Variants in U2SURP observed in about 807,000 individuals in gnomAD.
U2SURP encodes U2 snRNP-associated SURP motif-containing protein.
In U2SURP, 9 loss-of-function variants were observed where a neutral mutation model predicts 144.9. The observed-to-expected ratio is 0.06, with a 90% CI of 0.04 to 0.11. The LOEUF is 0.11. Among genes scored for constraint, U2SURP ranks in the 10% least tolerant of loss-of-function variants. The probability of loss-of-function intolerance (pLI) is 1.00; values close to 1 mark genes in which losing one functional copy is unlikely to be tolerated. For missense variants in U2SURP, 724 were observed against 1,226.7 expected, an observed-to-expected ratio of 0.59 and a Z score of 6.12; for synonymous variants, 408 against 396.8, an observed-to-expected ratio of 1.03 and a Z score of -0.33.
chr3:143,016,679 A>G (rs1159743686), intron 5 of U2SURP, among the ~76,000 whole-genome samples, 163 bp from the exon 6 acceptor site: 3 of 152,198 alleles, frequency 2.0e-5, no homozygotes, highest in African/African-American at 7.2e-5. Flanking sequence ...TGAAATGATT[A>G]AATTAGCATT....
intron 16 of U2SURP, among the ~76,000 whole-genome samples, chr3:143,030,223 G>C (rs1482729687): frequency 6.6e-6 from 1 of 152,206 alleles, no homozygotes; most frequent in African/African-American, 2.4e-5. Flanking sequence ...CTAGAGAGGG[G>C]AAGTCACTGC....
chr3:143,030,161 G>A (rs1266741269), intron 16 of U2SURP, among the ~76,000 whole-genome samples: 1 of 152,256 alleles, frequency 6.6e-6, no homozygotes, highest in Admixed American at 6.5e-5. Flanking sequence ...CATTGTCAGT[G>A]TAGACAAAGC....
rs1186038032 is a variant in U2SURP at position 143,014,631 on chromosome 3, TTCTAA to T, written c.321+227_321+231del. Among the ~76,000 whole-genome samples the T allele has an allele frequency of 3.9e-5, 6 of 152,192 alleles. No individual in the cohort carries two copies. In the East Asian group the frequency reaches 1.2e-3, roughly 29 times the overall value. On this transcript the variant is annotated intron_variant, in intron 4 of 27. Transcript: ENST00000473835. The stretch of plus-strand genomic sequence containing the variant: ...TTTCTTTGTTATAGTTTTGGCTATT[TTCTAA>T]TCTATTCTTTTTGTATAAGTAAAGT...
At chr3:143,020,063 T>C in intron 7 of U2SURP, 27 bp downstream of exon 7, 1 of 1,387,788 alleles carries the variant, frequency 7.2e-7, no homozygotes, top group Non-Finnish European at 9.7e-7. Context: ...GGAGAATAAC[T>C]ATCATAGGTG....
chr3:143,003,677 C>CTTTTTATTTTTTTTTTTTTT (rs1935658192), intron 1 of U2SURP, among the ~76,000 whole-genome samples: 1 of 101,506 alleles, frequency 9.9e-6, no homozygotes, highest in Non-Finnish European at 1.9e-5. Context: ...TATTTTATTT[C>CTTTTTATTTTTTTTTTTTTT]TTTTTTTTTT....
chr3:143,016,371 G>A lies in U2SURP; in HGVS notation c.436G>A (p.Glu146Lys), dbSNP rs752576254. Residue 146 changes from glutamate (E) to lysine (K), a missense_variant and splice_region_variant, in exon 5 of 28, where the codon GAA becomes AAA. By Grantham distance (56) the Glu-to-Lys change is moderately conservative. Coordinates refer to ENST00000473835, the MANE Select transcript of U2SURP (RefSeq NM_001080415.2). ...VRGGVVNAAK[E>K]EHETDEKRGK... The stretch of plus-strand genomic sequence containing the variant: ...AGGGGGTGTTGTTAATGCAGCTAAA[G>A]GTAAGTTTATAAAGTATAACTGCTA... 1 of 1,611,118 alleles carries A rather than the reference G, an allele frequency of 6.2e-7. No homozygotes were observed. Among genetic ancestry groups the A allele is most frequent in the Non-Finnish European group, 8.5e-7 (1 of 1,177,916 alleles).
At position 143,020,663 on chromosome 3, in the gene U2SURP, C is replaced by G; in HGVS notation, c.703C>G (p.Gln235Glu). The change falls in exon 8 of 28, where the codon CAG becomes GAG. Residue 235 changes from glutamine to glutamate, a missense_variant. Gln to Glu is a conservative substitution (Grantham distance 29). Coordinates refer to ENST00000473835, the MANE Select transcript of U2SURP (RefSeq NM_001080415.2). ...CAGATTAAGTCGATTTGAACCTCCT[C>G]AGTCAGATTCTGATGGTCAGCGTCG... ...KGRLSRFEPPQSDSDGQRRSM... is the reference protein window; with the variant it reads ...KGRLSRFEPPESDSDGQRRSM... 3 of 1,613,204 alleles carry G rather than the reference C, an allele frequency of 1.9e-6. No homozygotes were observed. Among genetic ancestry groups the G allele is most frequent in the Non-Finnish European group, 2.5e-6 (3 of 1,179,518 alleles).
intron 6 of U2SURP, among the ~76,000 whole-genome samples, chr3:143,018,374 C>T (rs1936478486): frequency 6.6e-6 from 1 of 152,100 alleles, no homozygotes; most frequent in African/African-American, 2.4e-5. Context: ...TGAATCAGTA[C>T]TTCATTCCTT....
At chr3:143,051,199 A>G in intron 25 of U2SURP, 150 bp downstream of exon 25, 1 of 533,786 alleles carries the variant, frequency 1.9e-6, no homozygotes, top group Non-Finnish European at 3.3e-6. Context: ...TTGAAATTTG[A>G]TATTTTAAAA....
chr3:143,004,130 G>T (rs965195811), intron 1 of U2SURP, among the ~76,000 whole-genome samples: 2 of 152,102 alleles, frequency 1.3e-5, no homozygotes, highest in Non-Finnish European at 2.9e-5. Flanking sequence ...CAGATGAGTG[G>T]CTTATATTTT....
chr3:143,016,185 T>G (rs752885173), intron 4 of U2SURP, 72 bp from the exon 5 acceptor site: 14 of 1,365,292 alleles, frequency 1.0e-5, no homozygotes, highest in Non-Finnish European at 1.5e-5. Flanking sequence ...ATATTATTCC[T>G]TGATGAATTT....
intron 22 of U2SURP, 147 bp from the exon 23 acceptor site, chr3:143,038,747 A>AAT: frequency 1.9e-6 from 1 of 536,764 alleles, no homozygotes; most frequent in East Asian, 3.5e-5. Flanking sequence ...GGCATATAGA[A>AAT]ATAACTATTT....
chr3:143,025,366 A>G (rs1372365465), intron 13 of U2SURP, among the ~76,000 whole-genome samples: 1 of 152,174 alleles, frequency 6.6e-6, no homozygotes, highest in African/African-American at 2.4e-5. Flanking sequence ...CACCATTAGG[A>G]TGAATCCTTT....
intron 24 of U2SURP, among the ~76,000 whole-genome samples, chr3:143,044,289 C>CTTTTTTTTTTTTTTTTTTTTTTTTT (rs56916268): frequency 7.4e-5 from 6 of 81,376 alleles, no homozygotes; most frequent in African/African-American, 3.5e-4. Flanking sequence ...CTCCCCTCTC[C>CTTTTTTTTTTTTTTTTTTTTTTTTT]TTTTTTTTTT....
chr3:143,043,820 G>A (rs1459225096), intron 24 of U2SURP, among the ~76,000 whole-genome samples: 2 of 150,940 alleles, frequency 1.3e-5, no homozygotes, highest in African/African-American at 4.9e-5. Flanking sequence ...CCAGGCTGGA[G>A]TGCAGTGGCG....
At chr3:143,042,550 C>G (rs1286799229) in intron 23 of U2SURP, among the ~76,000 whole-genome samples, 9 of 151,948 alleles carry the variant, frequency 5.9e-5, no homozygotes, top group Non-Finnish European at 1.3e-4. Flanking sequence ...GCACCTGTCA[C>G]CTGAACAATG....
chr3:143,041,664 C>CT (rs1316279500), intron 23 of U2SURP, among the ~76,000 whole-genome samples: 1 of 151,854 alleles, frequency 6.6e-6, no homozygotes, highest in Admixed American at 6.6e-5. Context: ...TTACATAAGA[C>CT]TTTAATTAAA....
chr3:143,003,711 T>A (rs2108263493), intron 1 of U2SURP, among the ~76,000 whole-genome samples: 1 of 129,954 alleles, frequency 7.7e-6, no homozygotes, highest in South Asian at 2.4e-4. Context: ...TGTGAAAGAG[T>A]TTCGCTCTGT....
At chr3:143,027,788 A>T (rs1350070656) in intron 14 of U2SURP, among the ~76,000 whole-genome samples, 1 of 152,196 alleles carries the variant, frequency 6.6e-6, no homozygotes, top group Non-Finnish European at 1.5e-5. Flanking sequence ...CAGTTTTAGT[A>T]ATCAGAGTAG....
Sources: allele counts gnomAD v4.1 joint callset (sites outside exome capture counted in the v4.1 genomes callset), GRCh38; gene constraint gnomAD v4.1.1; transcripts MANE v1.5; gene names NCBI Gene and HGNC (gene_info 2026-07-23, HGNC 2026-07-21).